The following PEDS1 variants were observed in gnomAD, a reference collection of about 807,000 sequenced individuals.
PEDS1 encodes CarF homolog.
A neutral mutation model predicts 35.2 loss-of-function variants in PEDS1; 14 were observed. That is an observed-to-expected ratio of 0.40 (90% CI 0.26 to 0.62). The LOEUF (loss-of-function observed/expected upper bound fraction) is 0.62. Among genes scored for constraint, PEDS1 ranks in the 20% least tolerant of loss-of-function variants. The probability of loss-of-function intolerance (pLI) is 0.44; values close to 1 mark genes in which losing one functional copy is unlikely to be tolerated. For synonymous variants in PEDS1, 152 were observed against 152.0 expected (o/e 1.00, Z 0.00); for missense variants, 260 against 367.8 (o/e 0.71, Z 2.40).
intron 5 of PEDS1, among the ~76,000 whole-genome samples, chr20:50,126,510 G>A (rs1260768289): frequency 1.3e-5 from 2 of 152,158 alleles, no homozygotes; most frequent in South Asian, 2.1e-4. Flanking sequence ...AATAGTAGCT[G>A]TAATTTATCA....
intron 1 of PEDS1, among the ~76,000 whole-genome samples, chr20:50,145,332 C>A (rs1238259690): frequency 1.3e-5 from 2 of 152,134 alleles, no homozygotes; most frequent in Admixed American, 6.5e-5. Context: ...GAGTTCAAGA[C>A]CAGCTTGGGC....
intron 2 of PEDS1, among the ~76,000 whole-genome samples, chr20:50,132,002 G>T (rs2081185511): frequency 1.3e-5 from 2 of 152,226 alleles, no homozygotes; most frequent in South Asian, 4.1e-4. Flanking sequence ...TCAGGAGTTC[G>T]AGACTAGCCT....
chr20:50,147,821 G>A (rs545741580), intron 1 of PEDS1, among the ~76,000 whole-genome samples: 51 of 152,286 alleles, frequency 3.3e-4, no homozygotes, highest in Admixed American at 4.6e-4. Context: ...TTGGGAGGCC[G>A]AGGTGGGCAG....
intron 1 of PEDS1, among the ~76,000 whole-genome samples, chr20:50,145,419 G>A (rs1460921105): frequency 6.6e-6 from 1 of 151,902 alleles, no homozygotes; most frequent in African/African-American, 2.4e-5. Flanking sequence ...ATAAGGCCGG[G>A]TGCAGTGTTT....
intron 1 of PEDS1, chr20:50,151,430 T>C: frequency 1.7e-6 from 1 of 586,818 alleles, no homozygotes; most frequent in East Asian, 6.7e-5. Flanking sequence ...TGAAAGTAGG[T>C]AGGGTTCACA....
chr20:50,126,844 C>T (rs1401026801), intron 5 of PEDS1, among the ~76,000 whole-genome samples: 1 of 152,222 alleles, frequency 6.6e-6, no homozygotes, highest in Non-Finnish European at 1.5e-5. Flanking sequence ...GGGCATGTTC[C>T]TGCCTCTGGC....
rs751604772 is a variant in PEDS1 at position 50,129,640 on chromosome 20, T to C, written c.384A>G (p.Thr128=). ...REHHIDPTAI[T]RHDFIETNGD... ...CGTTGGTCTCGATGAAGTCGTGCCG[T>C]GTGATAGCTGTCGGGTCAATGTGGT... is the stretch of plus-strand genomic sequence containing the variant. Residue 128 remains threonine (T), a synonymous_variant, in exon 4 of 6, where the codon ACA becomes ACG. Transcript: ENST00000371652. This position sits in a 1 kb window ranked among gnomAD's most constrained non-coding sequence, Gnocchi z 4.2. 1.9e-6 allele frequency: 3 copies of C among 1,613,864 alleles called. No individual in the cohort carries two copies. The highest frequency in any genetic ancestry group is 2.5e-6 in the Non-Finnish European group (3 of 1,179,998).
intron 1 of PEDS1, among the ~76,000 whole-genome samples, chr20:50,143,830 T>A: frequency 6.6e-6 from 1 of 152,020 alleles, no homozygotes; most frequent in South Asian, 2.1e-4. Flanking sequence ...CCCGAGTAGC[T>A]GGGATTATAG....
intron 1 of PEDS1, among the ~76,000 whole-genome samples, chr20:50,148,895 G>A (rs1036718765): frequency 7.2e-5 from 11 of 152,124 alleles, no homozygotes; most frequent in Non-Finnish European, 1.6e-4. Flanking sequence ...AGGATCACTT[G>A]AGGTCAGGAG....
At position 50,140,662 on chromosome 20, in the gene PEDS1, C is replaced by A. The variant is rs372903297; in HGVS notation, c.241+2840G>T. On this transcript the variant is annotated intron_variant, in intron 2 of 5. Coordinates refer to ENST00000371652, the MANE Select transcript of PEDS1 (RefSeq NM_199129.4). ...TTTTCAGAGAGGCCTTTCCCGCCTA[C>A]CCGCTTAGCTTGATTTTGCTTCCCA... is the stretch of plus-strand genomic sequence containing the variant. Among the ~76,000 whole-genome samples, 129 of 152,348 alleles carry A rather than the reference C, an allele frequency of 8.5e-4. 1 individual carries two copies. Among genetic ancestry groups the A allele is most frequent in the African/African-American group, 2.9e-3 (120 of 41,580 alleles).
At position 50,129,919 on chromosome 20, in the gene PEDS1, C is replaced by CT. The variant is rs1036711213; in HGVS notation, c.334-230dup. The stretch of plus-strand genomic sequence containing the variant: ...TGGAAGGGCTTTGGGTTGGCACTGT[C>CT]TGCCTCTGGGCCTCAGTCTCCCTAC... On this transcript the variant is annotated intron_variant, in intron 3 of 5. Coordinates refer to ENST00000371652, the MANE Select transcript of PEDS1 (RefSeq NM_199129.4). The surrounding 1 kb of genome is among the most constrained non-coding windows in gnomAD (Gnocchi z 4.2). Among the ~76,000 whole-genome samples the CT allele has an allele frequency of 6.6e-6, 1 of 152,216 alleles. No individual in the cohort carries two copies. Among genetic ancestry groups the CT allele is most frequent in the African/African-American group, 2.4e-5 (1 of 41,454 alleles).
intron 3 of PEDS1, 58 bp downstream of exon 3, chr20:50,130,798 C>T (rs2081170037): frequency 6.2e-7 from 1 of 1,605,382 alleles, no homozygotes; most frequent in Admixed American, 1.7e-5. Flanking sequence ...AGGGGACTCA[C>T]TCAAGGCCAT....
chr20:50,153,405 C>T (rs2081426109), intron 1 of PEDS1, 112 bp downstream of exon 1: 3 of 1,229,164 alleles, frequency 2.4e-6, no homozygotes, highest in Non-Finnish European at 3.1e-6. Context: ...GCAAGTTAGA[C>T]ACCCGGGCTG....
chr20:50,142,342 G>A (rs2081299101), intron 2 of PEDS1, among the ~76,000 whole-genome samples: 1 of 152,200 alleles, frequency 6.6e-6, no homozygotes, highest in African/African-American at 2.4e-5. Flanking sequence ...TCAGAGAGCT[G>A]GCATTTGAGT....
Position 50,124,614 on chromosome 20 carries a change from A to G in PEDS1, c.*444T>C, listed in dbSNP as rs1157726498. 2 of 165,792 alleles carry G rather than the reference A, an allele frequency of 1.2e-5. No individual in the cohort carries two copies. The highest frequency in any genetic ancestry group is 1.3e-5 in the Non-Finnish European group (1 of 75,310). The allele number at this position is 165,792 out of a possible 1,614,324, so 10.3% of individuals were successfully genotyped here. On this transcript the variant is annotated 3_prime_UTR_variant, in exon 6 of 6. Coordinates refer to ENST00000371652, the MANE Select transcript of PEDS1 (RefSeq NM_199129.4). The stretch of plus-strand genomic sequence containing the variant: ...ACCTGCCCAGCCTCCCGGGGTCAGT[A>G]TGCAGGGCTGTGGCAGAACAATGCT...
rs1351033649 is a variant in PEDS1, at chr20:50,153,605, C to A, written c.33G>T (p.Gln11His). 4 of 1,394,130 alleles carry A rather than the reference C, an allele frequency of 2.9e-6. No homozygotes were observed. The highest frequency in any genetic ancestry group is 2.1e-4 in the Middle Eastern group (1 of 4,784). The allele number at this position is 1,394,130 out of a possible 1,614,324, so 86.4% of individuals were successfully genotyped here. A position where few individuals can be genotyped will look rare whatever the true frequency, so the allele number is the denominator to read the frequency against. Reference sequence around the variant, plus strand: ...ACGCCTCGTCCTCGTCCAGCTCCAGCTGCTGGCCCGGCCAGTTCTCGGCGC... The same window carrying A: ...ACGCCTCGTCCTCGTCCAGCTCCAGATGCTGGCCCGGCCAGTTCTCGGCGC... The part of the protein sequence containing the change: MAGAENWPGQ[Q>H]LELDEDEASC... The change falls in exon 1 of 6, where the codon CAG becomes CAT. Residue 11 changes from glutamine (Q) to histidine (H), a missense_variant. This residue lies in a region of PEDS1 where 114 missense variants were observed against 121.6 expected (regional missense o/e 0.94). Coordinates refer to ENST00000371652, the MANE Select transcript of PEDS1 (RefSeq NM_199129.4).
chr20:50,138,153 G>GT (rs2081255785), intron 2 of PEDS1, among the ~76,000 whole-genome samples: 1 of 152,190 alleles, frequency 6.6e-6, no homozygotes, highest in African/African-American at 2.4e-5. Flanking sequence ...CCATCCTTCT[G>GT]TAAGTTGAAA....
chr20:50,148,898 G>A (rs2081372880), intron 1 of PEDS1, among the ~76,000 whole-genome samples: 1 of 152,084 alleles, frequency 6.6e-6, no homozygotes, highest in Non-Finnish European at 1.5e-5. Flanking sequence ...ATCACTTGAG[G>A]TCAGGAGTTG....
At chr20:50,144,183 A>C (rs1422342766) in intron 1 of PEDS1, among the ~76,000 whole-genome samples, 1 of 152,240 alleles carries the variant, frequency 6.6e-6, no homozygotes, top group Non-Finnish European at 1.5e-5. Flanking sequence ...CAATTCTCTG[A>C]CAGACCAATT....
Sources: allele counts gnomAD v4.1 joint callset (sites outside exome capture counted in the v4.1 genomes callset), GRCh38; gene constraint gnomAD v4.1.1; regional missense constraint gnomAD v4.1.1; non-coding constraint Gnocchi (gnomAD v3.1); transcripts MANE v1.5; gene names NCBI Gene and HGNC (gene_info 2026-07-23, HGNC 2026-07-21).